PPP1R14C: variants seen among roughly 807,000 people sequenced by gnomAD.
PPP1R14C encodes the protein protein phosphatase 1 regulatory inhibitor subunit 14C.
PPP1R14C carries 16 observed loss-of-function variants against 20.4 expected under a neutral mutation model. The ratio of observed to expected loss-of-function variants is 0.78; its 90% CI spans 0.53 to 1.19. The LOEUF is 1.19. Among genes scored for constraint, PPP1R14C ranks in the 50% most tolerant of loss-of-function variants. The pLI is 0.00. For synonymous variants in PPP1R14C, 91 were observed against 91.0 expected, an observed-to-expected ratio of 1.00 and a Z score of 0.00; for missense variants, 211 against 220.1, an observed-to-expected ratio of 0.96 and a Z score of 0.26.
intron 1 of PPP1R14C, among the ~76,000 whole-genome samples, chr6:150,204,247 C>G (rs936988548): frequency 1.3e-5 from 2 of 152,220 alleles, no homozygotes; most frequent in Non-Finnish European, 2.9e-5. Flanking sequence ...ACTCGTCTTA[C>G]GAGGACCAAC....
At chr6:150,208,469 A>T (rs770590500) in intron 1 of PPP1R14C, among the ~76,000 whole-genome samples, 2 of 152,122 alleles carry the variant, frequency 1.3e-5, no homozygotes, top group South Asian at 4.1e-4. Context: ...TGCAGATTCC[A>T]GGGCTGATTT....
intron 1 of PPP1R14C, among the ~76,000 whole-genome samples, chr6:150,195,485 C>G (rs1176029958): frequency 6.6e-6 from 1 of 152,134 alleles, no homozygotes; most frequent in Admixed American, 6.5e-5. Context: ...GTAGCTGGAA[C>G]TACAGGCACC....
At position 150,201,698 on chromosome 6, in the gene PPP1R14C, G is replaced by A. The variant is rs138780299; in HGVS notation, c.307-13046G>A. Among the ~76,000 whole-genome samples the A allele has an allele frequency of 2.3e-3, 356 of 152,298 alleles. 9 individuals carry two copies. Among genetic ancestry groups the A allele is most frequent in the Admixed American group, 0.021 (325 of 15,292 alleles). On this transcript the variant is annotated intron_variant, in intron 1 of 3. Transcript: ENST00000361131. The surrounding 1 kb of genome is among the most constrained non-coding windows in gnomAD (Gnocchi z 4.2). Reference sequence around the variant, plus strand: ...GCTACAGAGTGGAAACTGGGATGGCGGAGGCATGAGGGTGAGTTTATGGAA... The same window carrying A: ...GCTACAGAGTGGAAACTGGGATGGCAGAGGCATGAGGGTGAGTTTATGGAA...
intron 3 of PPP1R14C, among the ~76,000 whole-genome samples, chr6:150,237,822 G>A (rs1778381866): frequency 6.6e-6 from 1 of 152,124 alleles, no homozygotes; most frequent in Non-Finnish European, 1.5e-5. Context: ...TAGGCATGTG[G>A]CTACACTGCT....
intron 1 of PPP1R14C, among the ~76,000 whole-genome samples, chr6:150,167,223 CT>C (rs926793680): frequency 4.6e-5 from 7 of 152,242 alleles, no homozygotes; most frequent in Middle Eastern, 3.4e-3. Context: ...AAAAAATTAG[CT>C]GGGCATGGTG....
In PPP1R14C at chr6:150,214,690, C is replaced by T. The variant is rs1368255659; in HGVS notation, c.307-54C>T. 3.0e-6 allele frequency: 4 copies of T among 1,315,920 alleles called. No homozygotes were observed. The East Asian group carries it at 7.0e-5, about 23-fold the overall frequency. 81.5% of individuals were successfully genotyped at this position (1,315,920 alleles called of 1,614,324 possible). On this transcript the variant is annotated intron_variant, in intron 1 of 3. Coordinates refer to ENST00000361131, the MANE Select transcript of PPP1R14C (RefSeq NM_030949.3). Reference sequence around the variant, plus strand: ...TCAACTTAACCTAACTGGTGGGGTACAGTCAGGTTTCTTACTAAATTAAAT... The same window carrying T: ...TCAACTTAACCTAACTGGTGGGGTATAGTCAGGTTTCTTACTAAATTAAAT...
chr6:150,169,875 C>T lies in PPP1R14C; in HGVS notation c.306+26377C>T, dbSNP rs117263413. 2.0e-5 allele frequency among the ~76,000 whole-genome samples: 3 copies of T among 152,274 alleles called. No individual in the cohort carries two copies. The East Asian group carries it at 5.8e-4, about 29-fold the overall frequency. On this transcript the variant is annotated intron_variant, in intron 1 of 3. Transcript: ENST00000361131. The stretch of plus-strand genomic sequence containing the variant: ...ATTAATTGATGTGGCAAACTTAGGG[C>T]CTGAGTATGTATTTTCAACATGACT...
intron 1 of PPP1R14C, among the ~76,000 whole-genome samples, chr6:150,190,336 A>C (rs934073164): frequency 5.9e-5 from 9 of 151,690 alleles, no homozygotes; most frequent in Non-Finnish European, 1.2e-4. Context: ...TCTCCACGGC[A>C]CTTCCTCCCC....
intron 1 of PPP1R14C, among the ~76,000 whole-genome samples, chr6:150,147,266 G>C (rs1016663783): frequency 6.7e-6 from 1 of 150,306 alleles, no homozygotes; most frequent in Non-Finnish European, 1.5e-5. Flanking sequence ...TGCAACCTCC[G>C]CCTCCTGGGT....
intron 1 of PPP1R14C, among the ~76,000 whole-genome samples, chr6:150,181,628 T>G (rs937858615): frequency 5.9e-5 from 9 of 152,254 alleles, no homozygotes; most frequent in African/African-American, 2.2e-4. Context: ...ATATCTTAAT[T>G]AGGGAAAATG....
intron 1 of PPP1R14C, among the ~76,000 whole-genome samples, chr6:150,163,841 T>C (rs1467533951): frequency 1.3e-5 from 2 of 152,238 alleles, no homozygotes; most frequent in African/African-American, 4.8e-5. Flanking sequence ...GAGAATATTA[T>C]TGCGTATGTC....
chr6:150,231,369 C>T (rs1778293890), intron 3 of PPP1R14C, among the ~76,000 whole-genome samples: 1 of 152,200 alleles, frequency 6.6e-6, no homozygotes, highest in Non-Finnish European at 1.5e-5. Context: ...CACCCTTCCC[C>T]TAATGCTCTG....
At chr6:150,210,886 G>C (rs1001276246) in intron 1 of PPP1R14C, among the ~76,000 whole-genome samples, 6 of 152,114 alleles carry the variant, frequency 3.9e-5, no homozygotes, top group African/African-American at 1.4e-4. Flanking sequence ...TCTGTCACCT[G>C]TCTGGCCCCC....
chr6:150,216,059 G>C (rs1167474492), intron 2 of PPP1R14C, among the ~76,000 whole-genome samples: 2 of 152,210 alleles, frequency 1.3e-5, no homozygotes, highest in Non-Finnish European at 2.9e-5. Context: ...AACCGGAAAG[G>C]GGGATTTGGT....
At chr6:150,228,905 T>C (rs549055496) in intron 3 of PPP1R14C, among the ~76,000 whole-genome samples, 1 of 152,284 alleles carries the variant, frequency 6.6e-6, no homozygotes, top group Non-Finnish European at 1.5e-5. Flanking sequence ...GCCTTCTTTC[T>C]CTTGATAATT....
chr6:150,170,711 A>T (rs1488080180), intron 1 of PPP1R14C, among the ~76,000 whole-genome samples: 1 of 151,866 alleles, frequency 6.6e-6, no homozygotes, highest in Non-Finnish European at 1.5e-5. Context: ...ATTCTAGGGA[A>T]ATGAGAGAGA....
chr6:150,159,701 G>A (rs779418586), intron 1 of PPP1R14C, among the ~76,000 whole-genome samples: 18 of 151,436 alleles, frequency 1.2e-4, no homozygotes, highest in Non-Finnish European at 1.9e-4. Context: ...GAACACTATT[G>A]CCATATACTC....
At chr6:150,207,026 G>T (rs148581406) in intron 1 of PPP1R14C, among the ~76,000 whole-genome samples, 1 of 151,892 alleles carries the variant, frequency 6.6e-6, no homozygotes, top group African/African-American at 2.4e-5. Flanking sequence ...CACTATCCTC[G>T]TCTAATTTTT....
chr6:150,233,508 A>C (rs1411996064), intron 3 of PPP1R14C, among the ~76,000 whole-genome samples: 1 of 152,222 alleles, frequency 6.6e-6, no homozygotes, highest in Non-Finnish European at 1.5e-5. Context: ...TTTAAGAAAG[A>C]CTAATAAAAT....
Sources: allele counts gnomAD v4.1 joint callset (sites outside exome capture counted in the v4.1 genomes callset), GRCh38; gene constraint gnomAD v4.1.1; non-coding constraint Gnocchi (gnomAD v3.1); transcripts MANE v1.5; gene names NCBI Gene and HGNC (gene_info 2026-07-23, HGNC 2026-07-21).